Variants in SLC25A14 observed in about 807,000 individuals in gnomAD.
The protein encoded by SLC25A14 is solute carrier family 25 member 14, also known as brain mitochondrial carrier protein 1.
A neutral mutation model predicts 28.1 loss-of-function variants in SLC25A14; 8 were observed. The ratio of observed to expected loss-of-function variants is 0.28; its 90% CI spans 0.17 to 0.51. The LOEUF (loss-of-function observed/expected upper bound fraction) is 0.51. Among genes scored for constraint, SLC25A14 ranks in the 20% least tolerant of loss-of-function variants. The pLI, the probability that SLC25A14 is intolerant of heterozygous loss-of-function variation, is 0.97. For missense variants in SLC25A14, 135 were observed against 263.8 expected, an observed-to-expected ratio of 0.51 and a Z score of 3.38; for synonymous variants, 74 against 90.6, an observed-to-expected ratio of 0.82 and a Z score of 1.04.
chrX:130,353,851 C>T (rs1278719522), intron 6 of SLC25A14, among the ~76,000 whole-genome samples: 1 of 111,809 alleles, frequency 8.9e-6, no homozygotes, highest in Non-Finnish European at 1.9e-5. Flanking sequence ...CCTCATTATC[C>T]AATCCAGTGG....
chrX:130,364,785 C>T, intron 8 of SLC25A14, 33 bp downstream of exon 8: 1 of 1,191,407 alleles, frequency 8.4e-7, no homozygotes, highest in Non-Finnish European at 1.1e-6. Context: ...ATTTTATTTC[C>T]AGCATTTTGA....
Position 130,339,937 on chromosome X carries a change from G to A in SLC25A14, c.-212G>A. 2 of 836,990 alleles carry A rather than the reference G, an allele frequency of 2.4e-6. 1 individual carries two copies. The highest frequency in any genetic ancestry group is 2.9e-6 in the Non-Finnish European group (2 of 693,393). 69.0% of individuals were successfully genotyped at this position (836,990 alleles called of 1,213,427 possible). ...GCGCTGCAGTGGCGTTTCCGACTGT[G>A]GGAGCCTCAGCTTCCCAGTCGTCCG... On this transcript the variant is annotated 5_prime_UTR_variant, in exon 1 of 11. Transcript: ENST00000545805.
At chrX:130,352,544 C>T (rs1456317550) in intron 6 of SLC25A14, among the ~76,000 whole-genome samples, 2 of 112,362 alleles carry the variant, frequency 1.8e-5, no homozygotes, top group Non-Finnish European at 3.8e-5. Flanking sequence ...CCAATGGTGT[C>T]TAAGCATTCC....
At chrX:130,343,199 T>C (rs901146705) in intron 2 of SLC25A14, among the ~76,000 whole-genome samples, 11 of 112,250 alleles carry the variant, frequency 9.8e-5, no homozygotes, top group African/African-American at 3.6e-4. Context: ...TTTAAGACTA[T>C]TTGGGGCAAT....
At position 130,339,987 on chromosome X, in the gene SLC25A14, G is replaced by T; in HGVS notation, c.-173+11G>T. The T allele has an allele frequency of 2.2e-6, 2 of 917,241 alleles. No individual in the cohort carries two copies. Among genetic ancestry groups the T allele is most frequent in the Middle Eastern group, 4.9e-4 (1 of 2,052 alleles). 75.6% of individuals were successfully genotyped at this position (917,241 alleles called of 1,213,427 possible). On this transcript the variant is annotated intron_variant, in intron 1 of 10. Transcript: ENST00000545805. Reference sequence around the variant, plus strand: ...GATGAGCCCGAGCAGGTGAGGGGGAGCTCCTGGACTTCCAGGCTGGGGAGC... The same window carrying T: ...GATGAGCCCGAGCAGGTGAGGGGGATCTCCTGGACTTCCAGGCTGGGGAGC...
intron 5 of SLC25A14, chrX:130,350,007 G>A (rs2124751509): frequency 9.0e-6 from 1 of 111,438 alleles, no homozygotes; most frequent in African/African-American, 3.3e-5. Context: ...GGTTTATTTA[G>A]TTTCTATTTG....
intron 6 of SLC25A14, among the ~76,000 whole-genome samples, chrX:130,356,918 C>G (rs181100761): frequency 8.9e-6 from 1 of 112,113 alleles, no homozygotes; most frequent in Non-Finnish European, 1.9e-5. Context: ...TCCCTTCACT[C>G]TAGTGTGTAC....
At chrX:130,364,388 C>CT (rs770137935) in intron 7 of SLC25A14, among the ~76,000 whole-genome samples, 4 of 106,443 alleles carry the variant, frequency 3.8e-5, no homozygotes, top group East Asian at 3.0e-4. Context: ...TCCAGTTGAT[C>CT]TTTTTTTTTT....
At chrX:130,341,099 A>C (rs1244419491) in intron 2 of SLC25A14, among the ~76,000 whole-genome samples, 1 of 111,507 alleles carries the variant, frequency 9.0e-6, no homozygotes, top group Non-Finnish European at 1.9e-5. Context: ...CCTTACCTGC[A>C]CCTAACCAGG....
rs757399526 is a variant in SLC25A14 at position 130,365,629 on chromosome X, G to C, written c.808G>C (p.Val270Leu). The change falls in exon 9 of 11, where the codon GTG becomes CTG. Residue 270 changes from valine (V) to leucine (L), a missense_variant. Val to Leu is a conservative substitution (Grantham distance 32). Coordinates refer to ENST00000545805, the MANE Select transcript of SLC25A14 (RefSeq NM_001282195.2). The stretch of plus-strand genomic sequence containing the variant: ...TCGCATGATGAACCAGAGGGCAATC[G>C]TGGGACATGTGGATCTCTATAAGGG... ...RTRMMNQRAI[V>L]GHVDLYKGTV... 6.6e-6 allele frequency: 8 copies of C among 1,211,000 alleles called. No homozygotes were observed. The highest frequency in any genetic ancestry group is 8.9e-6 in the Non-Finnish European group (8 of 894,897).
chrX:130,354,039 G>T (rs1406129250), intron 6 of SLC25A14, among the ~76,000 whole-genome samples: 2 of 108,265 alleles, frequency 1.8e-5, no homozygotes, highest in African/African-American at 6.7e-5. Flanking sequence ...CCCACCCAAG[G>T]TTCCATCTTT....
At chrX:130,356,553 G>T (rs5930403) in intron 6 of SLC25A14, among the ~76,000 whole-genome samples, 1 of 109,654 alleles carries the variant, frequency 9.1e-6, no homozygotes, top group Non-Finnish European at 1.9e-5. Context: ...CTCATTTAGT[G>T]GGGCTGTTTG....
intron 10 of SLC25A14, among the ~76,000 whole-genome samples, chrX:130,372,548 C>T (rs1169922855): frequency 2.8e-5 from 3 of 108,621 alleles, no homozygotes; most frequent in African/African-American, 1.0e-4. Flanking sequence ...CTGCAAACTC[C>T]ACCTCCTGAG....
chrX:130,341,153 T>C (rs975378680), intron 2 of SLC25A14, among the ~76,000 whole-genome samples: 1 of 112,069 alleles, frequency 8.9e-6, no homozygotes, highest in African/African-American at 3.2e-5. Flanking sequence ...TTCTCTCACC[T>C]CGGCAATTTT....
chrX:130,342,294 A>G (rs1569449795), intron 2 of SLC25A14, among the ~76,000 whole-genome samples: 1 of 112,103 alleles, frequency 8.9e-6, no homozygotes, highest in Non-Finnish European at 1.9e-5. Context: ...AACTTTATGT[A>G]AAAGACTTGG....
At chrX:130,349,130 G>GA (rs1442757075) in intron 4 of SLC25A14, 121 bp from the exon 5 acceptor site, 19 of 342,722 alleles carry the variant, frequency 5.5e-5, no homozygotes, top group Non-Finnish European at 9.0e-5. Context: ...ATGAGTGCTT[G>GA]AAAAAAATCA....
intron 6 of SLC25A14, among the ~76,000 whole-genome samples, chrX:130,353,689 C>T: frequency 8.9e-6 from 1 of 111,817 alleles, no homozygotes. Flanking sequence ...ATTTTCTTGA[C>T]CCTCTGACCT....
intron 9 of SLC25A14, among the ~76,000 whole-genome samples, chrX:130,367,659 G>A (rs777814082): frequency 8.9e-6 from 1 of 111,769 alleles, no homozygotes; most frequent in East Asian, 2.8e-4. Context: ...ATTCTTTCCC[G>A]TAATAATGAT....
At chrX:130,340,586 T>C (rs187107932) in intron 2 of SLC25A14, among the ~76,000 whole-genome samples, 3 of 111,066 alleles carry the variant, frequency 2.7e-5, no homozygotes, top group East Asian at 2.9e-4. Flanking sequence ...TTGTTGTTTT[T>C]CCCCCCAGCC....
Sources: allele counts gnomAD v4.1 joint callset (sites outside exome capture counted in the v4.1 genomes callset), GRCh38; gene constraint gnomAD v4.1.1; transcripts MANE v1.5; gene names NCBI Gene and HGNC (gene_info 2026-07-23, HGNC 2026-07-21).